GSR: variants seen among roughly 807,000 people sequenced by gnomAD.
GSR encodes the protein glutathione-disulfide reductase, also known as glutathione reductase, mitochondrial.
GSR carries 48 observed loss-of-function variants against 56.5 expected under a neutral mutation model. The ratio of observed to expected loss-of-function variants is 0.85; its 90% CI spans 0.67 to 1.08. GSR has a LOEUF of 1.08. Among genes scored for constraint, GSR ranks in the 50% least tolerant of loss-of-function variants. GSR has a pLI of 0.00. For missense variants in GSR, 694 were observed against 703.3 expected (o/e 0.99, Z 0.15); for synonymous variants, 264 against 270.8 (o/e 0.97, Z 0.25).
chr8:30,711,653 G>A (rs8190933), intron 2 of GSR, among the ~76,000 whole-genome samples: 8,615 of 152,076 alleles, frequency 0.057, 313 homozygotes, highest in South Asian at 0.17. Context: ...CCAACACGGT[G>A]AAACCCCCAT....
intron 5 of GSR, 72 bp from the exon 6 acceptor site, chr8:30,700,207 G>C: frequency 9.1e-7 from 1 of 1,102,710 alleles, no homozygotes; most frequent in East Asian, 2.3e-5. Flanking sequence ...AACATTTTAT[G>C]CCAAAAACCA....
chr8:30,709,970 A>G, intron 2 of GSR, 68 bp from the exon 3 acceptor site: 1 of 835,254 alleles, frequency 1.2e-6, no homozygotes, highest in Non-Finnish European at 2.0e-6. Context: ...AAAAGGAATC[A>G]TGAATGAATG....
At position 30,723,815 on chromosome 8, in the gene GSR, CA is replaced by C. The variant is rs1394812696; in HGVS notation, c.306+3714del. On this transcript the variant is annotated intron_variant, in intron 1 of 12. Transcript: ENST00000221130. ...ACACACACACACACACACACACACA[CA>C]CACCCAGGTCTGCTGGGACCTAGTA... Among the ~76,000 whole-genome samples, 47 of 19,396 alleles carry C rather than the reference CA, an allele frequency of 2.4e-3. No homozygotes were observed. The Non-Finnish European group carries it at 0.1, about 41-fold the overall frequency. 12.7% of individuals were successfully genotyped at this position (19,396 alleles called of 152,430 possible). A position where few individuals can be genotyped will look rare whatever the true frequency, so the allele number is the denominator to read the frequency against.
At chr8:30,693,739 G>C (rs900752647) in intron 7 of GSR, among the ~76,000 whole-genome samples, 2 of 152,176 alleles carry the variant, frequency 1.3e-5, no homozygotes, top group Non-Finnish European at 2.9e-5. Flanking sequence ...ATGTCGGCCA[G>C]GCTGGCCTCG....
rs777660218 is a variant in GSR, at chr8:30,682,067, G to A, written c.1154-6C>T. On this transcript the variant is annotated splice_polypyrimidine_tract_variant and splice_region_variant and intron_variant, in intron 10 of 12. Transcript: ENST00000221130. ...TCGGCCAGCAGCTATTGCAACTATGGAGATATTTTAAAATCAGTGTTTATC... is the reference window on the plus strand; with the variant it reads ...TCGGCCAGCAGCTATTGCAACTATGAAGATATTTTAAAATCAGTGTTTATC... 2 of 1,611,150 alleles carry A rather than the reference G, an allele frequency of 1.2e-6. No individual in the cohort carries two copies. Among genetic ancestry groups the A allele is most frequent in the Middle Eastern group, 1.7e-4 (1 of 6,052 alleles).
At chr8:30,718,520 C>T (rs894116724) in intron 1 of GSR, among the ~76,000 whole-genome samples, 3 of 152,142 alleles carry the variant, frequency 2.0e-5, no homozygotes, top group Non-Finnish European at 4.4e-5. Context: ...TGCTGGCTCC[C>T]CACACGCACA....
rs1289223524 is a variant in GSR, at chr8:30,727,590, C to T, written c.246G>A (p.Arg82=). The T allele has an allele frequency of 2.6e-6, 4 of 1,529,778 alleles. No individual in the cohort carries two copies. In the Admixed American group the frequency reaches 8.0e-5, roughly 30 times the overall value. The allele number at this position is 1,529,778 out of a possible 1,614,324, so 94.8% of individuals were successfully genotyped here. ...GGSGGLASAR[R]AAELGARAAV... ...CGGCCCTGGCACCCAGCTCGGCCGC[C>T]CTGCGCGCGCTGGCCAGCCCGCCCG... Residue 82 remains arginine (R), a synonymous_variant, in exon 1 of 13, where the codon AGG becomes AGA. Transcript: ENST00000221130.
intron 7 of GSR, among the ~76,000 whole-genome samples, chr8:30,695,821 C>A (rs931804549): frequency 3.3e-5 from 5 of 151,982 alleles, no homozygotes; most frequent in African/African-American, 9.7e-5. Flanking sequence ...GGGTGGATCA[C>A]CTGAGGTAGG....
intron 6 of GSR, among the ~76,000 whole-genome samples, chr8:30,698,119 G>T (rs1803612788): frequency 6.6e-6 from 1 of 152,062 alleles, no homozygotes; most frequent in South Asian, 2.1e-4. Flanking sequence ...CCCCCTCAGT[G>T]CAAAAACTAA....
Position 30,696,397 on chromosome 8 carries a change from T to A in GSR, c.778A>T (p.Met260Leu). The A allele has an allele frequency of 6.2e-7, 1 of 1,601,334 alleles. No homozygotes were observed. Among genetic ancestry groups the A allele is most frequent in the Non-Finnish European group, 8.6e-7 (1 of 1,168,244 alleles). The change falls in exon 7 of 13, where the codon ATG becomes TTG. Residue 260 changes from methionine (M) to leucine (L), a missense_variant. Met to Leu is a conservative substitution (Grantham distance 15). Transcript: ENST00000221130. ...GCATTTACCTTATCATGCCGTATCA[T>A]CAGTGATGTCTTAGAACCCAGGGCT... is the stretch of plus-strand genomic sequence containing the variant. ...LSALGSKTSL[M>L]IRHDKVLRSF...
chr8:30,698,271 T>C (rs772935833), intron 6 of GSR, among the ~76,000 whole-genome samples: 8 of 152,232 alleles, frequency 5.3e-5, no homozygotes, highest in Non-Finnish European at 1.2e-4. Context: ...CTTTTGTTGA[T>C]GACATGCATA....
intron 8 of GSR, among the ~76,000 whole-genome samples, chr8:30,690,536 T>C (rs1419389594): frequency 6.6e-6 from 1 of 152,142 alleles, no homozygotes; most frequent in East Asian, 1.9e-4. Flanking sequence ...AATAGTTTAC[T>C]GAAGGTCCTA....
chr8:30,684,052 C>T, intron 10 of GSR, 36 bp downstream of exon 10: 2 of 1,065,306 alleles, frequency 1.9e-6, no homozygotes, highest in South Asian at 2.5e-5. Flanking sequence ...ATGTAACACG[C>T]AGACCCTCCC....
At chr8:30,690,373 T>C (rs1377211288) in intron 8 of GSR, among the ~76,000 whole-genome samples, 1 of 151,968 alleles carries the variant, frequency 6.6e-6, no homozygotes, top group Non-Finnish European at 1.5e-5. Flanking sequence ...TTGCCCAGGC[T>C]GGTCTCTAAC....
intron 1 of GSR, among the ~76,000 whole-genome samples, chr8:30,719,543 A>G (rs1285382331): frequency 6.6e-6 from 1 of 151,956 alleles, no homozygotes; most frequent in Non-Finnish European, 1.5e-5. Context: ...GAGCCACCAC[A>G]CCCAGCTAAG....
intron 5 of GSR, among the ~76,000 whole-genome samples, chr8:30,701,370 G>A (rs146479067): frequency 0.052 from 7,970 of 152,260 alleles, 708 homozygotes; most frequent in African/African-American, 0.18. Flanking sequence ...GGAGGCTGGG[G>A]CAGGAGAATT....
intron 1 of GSR, among the ~76,000 whole-genome samples, chr8:30,712,500 C>T (rs1051946609): frequency 3.9e-5 from 6 of 152,030 alleles, no homozygotes; most frequent in East Asian, 1.9e-4. Flanking sequence ...GGGCAACAAG[C>T]GAGACCACGT....
chr8:30,694,283 C>A (rs950749423), intron 7 of GSR, among the ~76,000 whole-genome samples: 2 of 152,102 alleles, frequency 1.3e-5, no homozygotes, highest in African/African-American at 2.4e-5. Context: ...TCTGTCCCTG[C>A]AGAACTAGGC....
At chr8:30,694,473 C>T (rs1486780853) in intron 7 of GSR, among the ~76,000 whole-genome samples, 1 of 152,112 alleles carries the variant, frequency 6.6e-6, no homozygotes, top group Non-Finnish European at 1.5e-5. Flanking sequence ...CTACACCTTG[C>T]TAATTTTTTA....
Sources: gnomAD v4.1 joint callset for allele counts (sites outside exome capture counted in the v4.1 genomes callset) on GRCh38, gnomAD v4.1.1 for gene constraint, MANE v1.5 for transcripts, NCBI Gene and HGNC (gene_info 2026-07-23, HGNC 2026-07-21) for gene names.